Variants in DESI2 observed in about 807,000 individuals in gnomAD.
DESI2 encodes deubiquitinase DESI2.
Under a neutral mutation model 24.1 loss-of-function variants are expected in DESI2, and 10 were observed. The ratio of observed to expected loss-of-function variants is 0.41; its 90% CI spans 0.26 to 0.70. The LOEUF is 0.70. DESI2 is among the 30% of genes least tolerant of loss of function. DESI2 has a pLI of 0.29. For missense variants in DESI2, 122 were observed against 234.9 expected, an observed-to-expected ratio of 0.52 and a Z score of 3.14; for synonymous variants, 71 against 87.7, an observed-to-expected ratio of 0.81 and a Z score of 1.06.
chr1:244,696,612 A>G (rs189197553), intron 4 of DESI2, among the ~76,000 whole-genome samples: 2 of 152,310 alleles, frequency 1.3e-5, no homozygotes, highest in East Asian at 1.9e-4. Flanking sequence ...AGGGCAAGAT[A>G]GATGCTTTCT....
At chr1:244,655,623 A>G (rs1277526127) in intron 1 of DESI2, among the ~76,000 whole-genome samples, 1 of 152,248 alleles carries the variant, frequency 6.6e-6, no homozygotes, top group Non-Finnish European at 1.5e-5. Flanking sequence ...CATGGTTTTG[A>G]TAAGAGCAGA....
At chr1:244,702,701 A>G (rs1160832655) in intron 4 of DESI2, among the ~76,000 whole-genome samples, 3 of 152,180 alleles carry the variant, frequency 2.0e-5, no homozygotes, top group Admixed American at 6.5e-5. Context: ...CAGTAAAACT[A>G]TCTACAAAAC....
chr1:244,682,467 CTATA>C (rs1676650944), intron 1 of DESI2, among the ~76,000 whole-genome samples: 1 of 152,194 alleles, frequency 6.6e-6, no homozygotes, highest in East Asian at 1.9e-4. Flanking sequence ...AATGTCAAAA[CTATA>C]TATGAAAAGA....
chr1:244,673,425 C>G (rs960581712), intron 1 of DESI2, among the ~76,000 whole-genome samples: 1 of 152,176 alleles, frequency 6.6e-6, no homozygotes, highest in Non-Finnish European at 1.5e-5. Flanking sequence ...AGTGGCTGAC[C>G]AAAATACATA....
At chr1:244,691,295 G>T (rs956903736) in intron 3 of DESI2, among the ~76,000 whole-genome samples, 2 of 152,214 alleles carry the variant, frequency 1.3e-5, no homozygotes, top group Non-Finnish European at 2.9e-5. Context: ...CACCGTGTTG[G>T]CCAGGCTGGT....
intron 4 of DESI2, among the ~76,000 whole-genome samples, chr1:244,700,547 A>G (rs1234683973): frequency 1.3e-5 from 2 of 151,962 alleles, no homozygotes; most frequent in African/African-American, 4.8e-5. Context: ...TTCTAATAGC[A>G]AATATTTAGA....
chr1:244,653,607 C>T, intron 1 of DESI2: 2 of 521,908 alleles, frequency 3.8e-6, no homozygotes, highest in Non-Finnish European at 3.4e-6. Flanking sequence ...CCCATCCGCT[C>T]AGCTTGGACC....
intron 2 of DESI2, 22 bp downstream of exon 2, chr1:244,686,691 A>G (rs752795269): frequency 2.0e-6 from 3 of 1,486,784 alleles, no homozygotes; most frequent in East Asian, 4.5e-5. Context: ...CACAGTCTAA[A>G]TATACTCTCT....
rs776015505 is a variant in DESI2, at chr1:244,689,319, A to T, written c.186A>T (p.Glu62Asp). 6.4e-7 allele frequency: 1 copy of T among 1,553,458 alleles called. No homozygotes were observed. Among genetic ancestry groups the T allele is most frequent in the Non-Finnish European group, 8.9e-7 (1 of 1,124,900 alleles). ...AAATTTCCCCAGGAAATGCTTCTGA[A>T]CTAGGAGAAACATTTAAATTTAAGT... Reference protein sequence around the residue: ...IFEISPGNASELGETFKFKEA... With the variant: ...IFEISPGNASDLGETFKFKEA... Residue 62 changes from glutamate to aspartate, a missense_variant, in exon 3 of 5, where the codon GAA becomes GAT. Glu to Asp is a conservative substitution (Grantham distance 45). This residue lies in a region of DESI2 where 16 missense variants were observed against 65.7 expected (regional missense o/e 0.24). Transcript: ENST00000302550. This position sits in a 1 kb window ranked among gnomAD's most constrained non-coding sequence, Gnocchi z 4.0.
Position 244,674,361 on chromosome 1 carries a change from TACTAGATGA to T in DESI2, c.43-12231_43-12223del, listed in dbSNP as rs549651188. ...CAGCCTTTTTGAGATACTGTTCATA[TACTAGATGA>T]ACTATATAAAATGTACACCCATTTA... On this transcript the variant is annotated intron_variant, in intron 1 of 4. Coordinates refer to ENST00000302550, the MANE Select transcript of DESI2 (RefSeq NM_016076.5). 2.0e-5 allele frequency among the ~76,000 whole-genome samples: 3 copies of T among 151,284 alleles called. No homozygotes were observed. The East Asian group carries it at 5.9e-4, about 30-fold the overall frequency.
chr1:244,675,377 G>A (rs1676384194), intron 1 of DESI2, among the ~76,000 whole-genome samples: 1 of 152,108 alleles, frequency 6.6e-6, no homozygotes. Flanking sequence ...CCAAGATCAT[G>A]AAGATATGCT....
At chr1:244,670,028 C>G (rs577273010) in intron 1 of DESI2, among the ~76,000 whole-genome samples, 2 of 151,624 alleles carry the variant, frequency 1.3e-5, no homozygotes, top group South Asian at 4.2e-4. Context: ...ACAATCTTGG[C>G]TCACTGCAAC....
chr1:244,692,097 G>T lies in DESI2; in HGVS notation c.351+77G>T, dbSNP rs1466045384. 5.6e-6 allele frequency: 7 copies of T among 1,257,038 alleles called. No homozygotes were observed. In the East Asian group the frequency reaches 7.5e-5, roughly 13 times the overall value. The allele number at this position is 1,257,038 out of a possible 1,614,324, so 77.9% of individuals were successfully genotyped here. A position where few individuals can be genotyped will look rare whatever the true frequency, so the allele number is the denominator to read the frequency against. On this transcript the variant is annotated intron_variant, in intron 4 of 4. Transcript: ENST00000302550. The stretch of plus-strand genomic sequence containing the variant: ...CTATACTTGATATCCCACTATATTC[G>T]ATCTTGATTCACTTCTTTTCCGATT...
chr1:244,701,226 C>T (rs1488360587), intron 4 of DESI2, among the ~76,000 whole-genome samples: 12 of 81,588 alleles, frequency 1.5e-4, no homozygotes, highest in Admixed American at 1.1e-3. Context: ...CCCCCCCCCC[C>T]CCCCCCCCGC....
chr1:244,660,901 G>C (rs1675818111), intron 1 of DESI2, among the ~76,000 whole-genome samples: 1 of 151,946 alleles, frequency 6.6e-6, no homozygotes, highest in South Asian at 2.1e-4. Context: ...GTTATATTTG[G>C]AATCTGATTA....
intron 1 of DESI2, among the ~76,000 whole-genome samples, chr1:244,670,154 A>T (rs1276636153): frequency 1.3e-5 from 2 of 152,008 alleles, no homozygotes; most frequent in Non-Finnish European, 2.9e-5. Context: ...ATGGGGTTTC[A>T]TCATATTGGT....
At chr1:244,672,314 G>A (rs1004582267) in intron 1 of DESI2, among the ~76,000 whole-genome samples, 3 of 152,040 alleles carry the variant, frequency 2.0e-5, no homozygotes, top group Admixed American at 6.6e-5. Flanking sequence ...TAAAAGAGCC[G>A]GGACCTCCCC....
At chr1:244,674,754 G>C (rs1676360351) in intron 1 of DESI2, among the ~76,000 whole-genome samples, 1 of 152,174 alleles carries the variant, frequency 6.6e-6, no homozygotes, top group Non-Finnish European at 1.5e-5. Flanking sequence ...TATTTATCCA[G>C]TAATCAGTTG....
intron 1 of DESI2, among the ~76,000 whole-genome samples, chr1:244,657,446 G>A (rs1023799520): frequency 2.6e-5 from 4 of 152,166 alleles, no homozygotes; most frequent in Non-Finnish European, 5.9e-5. Context: ...TTTTGTTGTA[G>A]TTTCCCAAAC....
Sources: gnomAD v4.1 joint callset for allele counts (sites outside exome capture counted in the v4.1 genomes callset) on GRCh38, gnomAD v4.1.1 for gene constraint, gnomAD v4.1.1 regional missense constraint, Gnocchi (gnomAD v3.1) non-coding constraint, MANE v1.5 for transcripts, NCBI Gene and HGNC (gene_info 2026-07-23, HGNC 2026-07-21) for gene names.